SAFB: variants seen among roughly 807,000 people sequenced by gnomAD.
SAFB encodes the protein scaffold attachment factor B1.
Under a neutral mutation model 101.6 loss-of-function variants are expected in SAFB, and 15 were observed. The observed-to-expected ratio is 0.15, with a 90% CI of 0.10 to 0.23. SAFB has a LOEUF of 0.23. Ranked by LOEUF, SAFB falls within the 10% of genes least tolerant of loss-of-function variation. The pLI, the probability that SAFB is intolerant of heterozygous loss-of-function variation, is 1.00. For missense variants in SAFB, 930 were observed against 1,104.1 expected (o/e 0.84, Z 2.23); for synonymous variants, 449 against 407.5 (o/e 1.10, Z -1.23).
intron 5 of SAFB, 46 bp downstream of exon 5, chr19:5,645,445 C>A: frequency 1.1e-6 from 1 of 906,714 alleles, no homozygotes; most frequent in South Asian, 1.4e-5. Flanking sequence ...AAGGTCAGAC[C>A]ACAATTTCTG....
At chr19:5,627,151 G>C (rs1011570357) in intron 2 of SAFB, among the ~76,000 whole-genome samples, 1 of 151,832 alleles carries the variant, frequency 6.6e-6, no homozygotes, top group Non-Finnish European at 1.5e-5. Context: ...ACTCCAGCCT[G>C]GGTGACAGAG....
intron 13 of SAFB, among the ~76,000 whole-genome samples, chr19:5,656,013 A>ATT (rs1459592848): frequency 6.6e-6 from 1 of 152,104 alleles, no homozygotes; most frequent in African/African-American, 2.4e-5. Flanking sequence ...ACTCATTTCC[A>ATT]TTTTTTCTCT....
chr19:5,655,206 C>G (rs1007151688), intron 13 of SAFB, among the ~76,000 whole-genome samples: 2 of 152,048 alleles, frequency 1.3e-5, no homozygotes, highest in African/African-American at 4.8e-5. Flanking sequence ...TGCCTGTAAT[C>G]CCAGCAGTTT....
intron 4 of SAFB, among the ~76,000 whole-genome samples, chr19:5,643,352 C>T (rs984876966): frequency 6.6e-6 from 1 of 152,120 alleles, no homozygotes; most frequent in Non-Finnish European, 1.5e-5. Context: ...CCAGTCAATC[C>T]GCTTCTGCAT....
intron 14 of SAFB, 83 bp from the exon 15 acceptor site, chr19:5,661,435 C>T (rs553391960): frequency 1.7e-5 from 26 of 1,567,244 alleles, no homozygotes; most frequent in Middle Eastern, 2.2e-4. Flanking sequence ...GGAGTCTGTG[C>T]GACCCAGCGT....
intron 9 of SAFB, among the ~76,000 whole-genome samples, chr19:5,651,937 T>A (rs2053948093): frequency 6.6e-6 from 1 of 152,262 alleles, no homozygotes; most frequent in Admixed American, 6.5e-5. Context: ...GGCTCACGCC[T>A]GTAATTCCAG....
chr19:5,632,540 A>G (rs1489842354), intron 2 of SAFB, among the ~76,000 whole-genome samples: 3 of 152,232 alleles, frequency 2.0e-5, no homozygotes, highest in Non-Finnish European at 2.9e-5. Flanking sequence ...AATATTCTCT[A>G]TAACTCAGAC....
At chr19:5,624,214 T>G (rs1311925365) in intron 1 of SAFB, among the ~76,000 whole-genome samples, 1 of 149,654 alleles carries the variant, frequency 6.7e-6, no homozygotes, top group Non-Finnish European at 1.5e-5. Flanking sequence ...CTGAGTCCTC[T>G]TTTCTATTCT....
rs1363364091 is a variant in SAFB, at chr19:5,623,328, G to A, written c.123G>A (p.Ala41=). The change falls in exon 1 of 21, where the codon GCG becomes GCA. Residue 41 remains alanine (A), a synonymous_variant. Transcript: ENST00000588852. ...LSDLRVIDLR[A]ELRKRNVDSS... is the part of the protein sequence containing the mutation. The stretch of plus-strand genomic sequence containing the variant: ...ACCTGCGAGTGATCGATCTGCGGGC[G>A]GAGCTGAGGAAACGGAATGTGGACT... 6.2e-7 allele frequency: 1 copy of A among 1,613,964 alleles called. No homozygotes were observed. Among genetic ancestry groups the A allele is most frequent in the African/African-American group, 1.3e-5 (1 of 74,946 alleles).
intron 2 of SAFB, among the ~76,000 whole-genome samples, chr19:5,638,741 ACAGT>A (rs1343728495): frequency 1.3e-4 from 17 of 135,998 alleles, no homozygotes; most frequent in African/African-American, 4.7e-4. Context: ...TTTTTTAAAG[ACAGT>A]CTGTCTTGCT....
rs1247397939 is a variant in SAFB, at chr19:5,661,437, A to G, written c.1863-81A>G. ...GACGCACAGCCCTGGAGTCTGTGCGACCCAGCGTCTTACTTAAAGTCAGCC... is the reference window on the plus strand; with the variant it reads ...GACGCACAGCCCTGGAGTCTGTGCGGCCCAGCGTCTTACTTAAAGTCAGCC... On this transcript the variant is annotated intron_variant, in intron 14 of 20. Transcript: ENST00000588852. 6.4e-6 allele frequency: 10 copies of G among 1,573,394 alleles called. No homozygotes were observed. In the East Asian group the frequency reaches 6.7e-5, roughly 11 times the overall value.
chr19:5,635,148 T>A (rs1221641257), intron 2 of SAFB, among the ~76,000 whole-genome samples: 2 of 151,646 alleles, frequency 1.3e-5, no homozygotes, highest in African/African-American at 2.4e-5. Context: ...CAAAAAAAAA[T>A]TTTTTTTACA....
rs372814398 is a variant in SAFB, at chr19:5,641,868, C to G, written c.468C>G (p.Leu156=). The change falls in exon 4 of 21, where the codon CTC becomes CTG. Residue 156 remains leucine (L), a synonymous_variant. Transcript: ENST00000588852. The part of the protein sequence containing the change: ...DCVEDDDADN[L]QESLSDSREL... Reference sequence around the variant, plus strand: ...TCGAAGACGATGATGCTGATAACCTCCAGGAGTCCCTGTCGGATAGTAGAG... The same window carrying G: ...TCGAAGACGATGATGCTGATAACCTGCAGGAGTCCCTGTCGGATAGTAGAG... 1.2e-6 allele frequency: 2 copies of G among 1,614,000 alleles called. No homozygotes were observed. The highest frequency in any genetic ancestry group is 2.7e-5 in the African/African-American group (2 of 74,898).
chr19:5,639,692 C>CAA (rs200168940), intron 2 of SAFB, among the ~76,000 whole-genome samples: 11 of 91,002 alleles, frequency 1.2e-4, no homozygotes, highest in Non-Finnish European at 2.1e-4. Context: ...GACTCCGTCC[C>CAA]AAAAAAAAAA....
chr19:5,650,504 C>G (rs951195183), intron 8 of SAFB, among the ~76,000 whole-genome samples: 1 of 152,122 alleles, frequency 6.6e-6, no homozygotes, highest in East Asian at 1.9e-4. Context: ...CTCTGACTCC[C>G]GGGTTCTAGA....
chr19:5,659,856 A>G (rs1187330515), intron 14 of SAFB, among the ~76,000 whole-genome samples: 1 of 152,058 alleles, frequency 6.6e-6, no homozygotes, highest in Non-Finnish European at 1.5e-5. Context: ...CCCTCTCCAT[A>G]TCTGGCGTAG....
intron 1 of SAFB, among the ~76,000 whole-genome samples, chr19:5,624,687 ATT>A (rs35651330): frequency 1.7e-4 from 21 of 121,500 alleles, no homozygotes; most frequent in East Asian, 4.6e-4. Context: ...AGAAGTAGGG[ATT>A]TTTTTTTTTT....
chr19:5,641,489 GTC>G, intron 2 of SAFB, 103 bp from the exon 3 acceptor site: 1 of 888,382 alleles, frequency 1.1e-6, no homozygotes, highest in Non-Finnish European at 1.8e-6. Context: ...GTAGTGAGGT[GTC>G]TCAGATGTTT....
intron 2 of SAFB, among the ~76,000 whole-genome samples, chr19:5,640,635 G>A (rs1333928226): frequency 6.6e-6 from 1 of 152,032 alleles, no homozygotes; most frequent in Non-Finnish European, 1.5e-5. Context: ...TGTCATCCAG[G>A]CTGGAGTGCA....
Sources: allele counts gnomAD v4.1 joint callset (sites outside exome capture counted in the v4.1 genomes callset), GRCh38; gene constraint gnomAD v4.1.1; transcripts MANE v1.5; gene names NCBI Gene and HGNC (gene_info 2026-07-23, HGNC 2026-07-21).